The following VDAC1 variants were observed in gnomAD, a reference collection of about 807,000 sequenced individuals.
The protein encoded by VDAC1 is non-selective voltage-gated ion channel VDAC1.
In VDAC1, 10 loss-of-function variants were observed where a neutral mutation model predicts 34.7. That is an observed-to-expected ratio of 0.29 (90% CI 0.18 to 0.49). The LOEUF (loss-of-function observed/expected upper bound fraction) is 0.49, where lower values mean the gene tolerates loss of function less well. VDAC1 is among the 20% of genes least tolerant of loss of function. The pLI is 0.99. For synonymous variants in VDAC1, 130 were observed against 136.0 expected (o/e 0.96, Z 0.30); for missense variants, 230 against 347.9 (o/e 0.66, Z 2.69).
At chr5:134,058,179 C>T in the VDAC1 span, among the ~76,000 whole-genome samples, 9 of 152,196 alleles carry the variant, frequency 5.9e-5, no homozygotes, top group Non-Finnish European at 8.8e-5. Flanking sequence ...TGAGCCACCA[C>T]GCCCAGTTGC....
chr5:134,080,492 G>C, the VDAC1 span, among the ~76,000 whole-genome samples: 5 of 151,972 alleles, frequency 3.3e-5, no homozygotes, highest in African/African-American at 9.7e-5. Flanking sequence ...CCTCCACGGA[G>C]GTACAGTACC....
rs144351810 is a variant in VDAC1 at position 133,972,786 on chromosome 5, C to G, written c.837G>C (p.Leu279=). ...CAGTATTCATTTATGCTTGAAATTCCAGTCCTAGACCAAGCTTGTGGCCAC... is the reference window on the plus strand; with the variant it reads ...CAGTATTCATTTATGCTTGAAATTCGAGTCCTAGACCAAGCTTGTGGCCAC... ...NAGGHKLGLG[L]EFQA is the part of the protein sequence containing the mutation. Residue 279 remains leucine (L), a synonymous_variant, in exon 9 of 9, where the codon CTG becomes CTC. Coordinates refer to ENST00000265333, the MANE Select transcript of VDAC1 (RefSeq NM_003374.3). The G allele has an allele frequency of 7.5e-6, 12 of 1,606,342 alleles. No individual in the cohort carries two copies. In the African/African-American group the frequency reaches 1.3e-4, roughly 18 times the overall value.
chr5:133,973,004 A>G (rs1561579041), intron 8 of VDAC1, 142 bp from the exon 9 acceptor site: 6 of 666,056 alleles, frequency 9.0e-6, no homozygotes, highest in Admixed American at 2.8e-5. Flanking sequence ...CTTGTTACTT[A>G]GCACTATCTG....
rs370910352 is a variant in VDAC1, at chr5:133,995,089, G to A, written c.-6-2071C>T. ...TAATCCCCAAAATCCAACAAGCACA[G>A]CCACCTGTCAAAAAACACCCCACCC... On this transcript the variant is annotated intron_variant, in intron 1 of 8. Transcript: ENST00000265333. Among the ~76,000 whole-genome samples, 5 of 152,118 alleles carry A rather than the reference G, an allele frequency of 3.3e-5. No homozygotes were observed. In the South Asian group the frequency reaches 6.2e-4, roughly 19 times the overall value.
chr5:134,067,704 G>A, the VDAC1 span, among the ~76,000 whole-genome samples: 4,163 of 150,424 alleles, frequency 0.028, 63 homozygotes, highest in Middle Eastern at 0.037. Flanking sequence ...GAGGGAGAGG[G>A]AGAAGGAGAG....
chr5:134,078,647 C>CTTTTTTTT, the VDAC1 span, among the ~76,000 whole-genome samples: 334 of 118,430 alleles, frequency 2.8e-3, 9 homozygotes, highest in East Asian at 5.0e-3. Context: ...CCTCAAGCAT[C>CTTTTTTTT]TTTTTTTTTT....
At chr5:134,093,568 T>C in the VDAC1 span, among the ~76,000 whole-genome samples, 4 of 152,216 alleles carry the variant, frequency 2.6e-5, no homozygotes, top group Middle Eastern at 3.2e-3. Flanking sequence ...TGTAATTTCC[T>C]GGCTGGCTGG....
the VDAC1 span, among the ~76,000 whole-genome samples, chr5:134,087,624 G>A: frequency 5.9e-5 from 9 of 152,192 alleles, no homozygotes; most frequent in African/African-American, 2.2e-4. Flanking sequence ...GGAGGCTGAG[G>A]CGGGCAGATC....
At chr5:134,069,508 T>C in the VDAC1 span, among the ~76,000 whole-genome samples, 1 of 152,290 alleles carries the variant, frequency 6.6e-6, no homozygotes, top group East Asian at 1.9e-4. Context: ...GCTGAATGTC[T>C]GACAAGTCCT....
At chr5:134,033,689 G>A in the VDAC1 span, among the ~76,000 whole-genome samples, 230 of 143,890 alleles carry the variant, frequency 1.6e-3, 1 homozygote, top group African/African-American at 5.8e-3. Context: ...AAAAAAAAAA[G>A]TAAAAAAAGA....
At chr5:134,085,386 GAA>G in the VDAC1 span, among the ~76,000 whole-genome samples, 1 of 151,848 alleles carries the variant, frequency 6.6e-6, no homozygotes, top group Non-Finnish European at 1.5e-5. Flanking sequence ...TCCCTCTTAA[GAA>G]ACCTGGGAAG....
the VDAC1 span, among the ~76,000 whole-genome samples, chr5:134,101,558 CAAA>C: frequency 1.5e-5 from 2 of 134,248 alleles, no homozygotes; most frequent in African/African-American, 2.7e-5. Context: ...GACTCTGTCT[CAAA>C]AAAAAAAAAA....
the VDAC1 span, among the ~76,000 whole-genome samples, chr5:134,041,572 C>T: frequency 6.6e-6 from 1 of 152,208 alleles, no homozygotes; most frequent in African/African-American, 2.4e-5. Flanking sequence ...CTGTAATGCC[C>T]CCTCCCCACT....
the VDAC1 span, among the ~76,000 whole-genome samples, chr5:134,078,314 G>A: frequency 1.3e-5 from 2 of 152,220 alleles, no homozygotes; most frequent in Admixed American, 6.5e-5. Flanking sequence ...AAGTGGGTGG[G>A]GCAGGACAGG....
At position 134,003,940 on chromosome 5, in the gene VDAC1, A is replaced by C. The variant is rs141984660; in HGVS notation, c.-7+955T>G. On this transcript the variant is annotated intron_variant, in intron 1 of 8. Transcript: ENST00000265333. ...CATTTGGCGAATGAATGAACGACCG[A>C]ACCAGTAATCACTCCTAAGACCAAG... 5.9e-5 allele frequency among the ~76,000 whole-genome samples: 9 copies of C among 152,354 alleles called. No individual in the cohort carries two copies. In the East Asian group the frequency reaches 1.7e-3, roughly 29 times the overall value.
the VDAC1 span, among the ~76,000 whole-genome samples, chr5:134,077,105 C>T: frequency 6.6e-6 from 1 of 151,796 alleles, no homozygotes; most frequent in African/African-American, 2.4e-5. Context: ...ATGGCGAAAC[C>T]GTCTCTATTA....
At chr5:133,994,415 T>G (rs976544441) in intron 1 of VDAC1, among the ~76,000 whole-genome samples, 2 of 152,202 alleles carry the variant, frequency 1.3e-5, no homozygotes, top group Non-Finnish European at 2.9e-5. Context: ...TTTTTGTCGC[T>G]GCTGTGTTAT....
At chr5:134,056,191 A>G in the VDAC1 span, among the ~76,000 whole-genome samples, 1 of 150,220 alleles carries the variant, frequency 6.7e-6, no homozygotes, top group Non-Finnish European at 1.5e-5. Context: ...CAGTGAGCCG[A>G]TATAGCACCA....
chr5:133,992,471 G>A, intron 2 of VDAC1, 116 bp from the exon 3 acceptor site: 1 of 656,230 alleles, frequency 1.5e-6, no homozygotes, highest in Non-Finnish European at 2.4e-6. Flanking sequence ...CCTGCCACAG[G>A]GGCTGAGGGC....
Sources: allele counts gnomAD v4.1 joint callset (sites outside exome capture counted in the v4.1 genomes callset), GRCh38; gene constraint gnomAD v4.1.1; transcripts MANE v1.5; gene names NCBI Gene and HGNC (gene_info 2026-07-23, HGNC 2026-07-21).